ESRRB: variants seen among roughly 807,000 people sequenced by gnomAD.
The protein encoded by ESRRB is steroid hormone receptor ERR2.
ESRRB carries 16 observed loss-of-function variants against 46.0 expected under a neutral mutation model. That is an observed-to-expected ratio of 0.35 (90% CI 0.24 to 0.53). The LOEUF (loss-of-function observed/expected upper bound fraction) is 0.53, where lower values mean the gene tolerates loss of function less well. Among genes scored for constraint, ESRRB ranks in the 20% least tolerant of loss-of-function variants. ESRRB has a pLI of 0.93. For missense variants in ESRRB, 488 were observed against 607.4 expected (o/e 0.80, Z 2.07); for synonymous variants, 246 against 259.6 (o/e 0.95, Z 0.50).
chr14:76,480,869 G>A (rs939489690), intron 3 of ESRRB, among the ~76,000 whole-genome samples: 2 of 152,226 alleles, frequency 1.3e-5, no homozygotes, highest in African/African-American at 4.8e-5. Flanking sequence ...TCGCAGCAGA[G>A]GCTGAGGTGG....
In ESRRB at chr14:76,398,643, G is replaced by A. The variant is rs1368424245; in HGVS notation, c.50+22192G>A. 2.0e-5 allele frequency among the ~76,000 whole-genome samples: 3 copies of A among 152,224 alleles called. No individual in the cohort carries two copies. In the East Asian group the frequency reaches 5.8e-4, roughly 29 times the overall value. On this transcript the variant is annotated intron_variant, in intron 1 of 6. Coordinates refer to ENST00000644823, the MANE Select transcript of ESRRB (RefSeq NM_001379180.1). Reference sequence around the variant, plus strand: ...TGCCTCTCTCTAGGTAGTCAAGGGGGCATACGTATGGGGTAAGAGGCTGGT... The same window carrying A: ...TGCCTCTCTCTAGGTAGTCAAGGGGACATACGTATGGGGTAAGAGGCTGGT...
At chr14:76,419,695 T>C (rs117820894) in intron 1 of ESRRB, among the ~76,000 whole-genome samples, 290 of 152,314 alleles carry the variant, frequency 1.9e-3, no homozygotes, top group Non-Finnish European at 3.3e-3. Context: ...TATTCTATAT[T>C]GATCCTCACA....
intron 1 of ESRRB, among the ~76,000 whole-genome samples, chr14:76,416,546 T>C (rs1049018818): frequency 2.6e-5 from 4 of 152,140 alleles, no homozygotes; most frequent in Non-Finnish European, 5.9e-5. Context: ...CGTGGTTCAC[T>C]GCAACCTCCA....
intron 2 of ESRRB, among the ~76,000 whole-genome samples, chr14:76,453,682 C>T (rs1176351699): frequency 6.6e-6 from 1 of 151,252 alleles, no homozygotes; most frequent in South Asian, 2.1e-4. Context: ...ACTGCCGCCT[C>T]AGCCTCCCTT....
chr14:76,375,107 G>A (rs575778993), upstream of ESRRB, among the ~76,000 whole-genome samples: 2 of 152,132 alleles, frequency 1.3e-5, no homozygotes, highest in South Asian at 4.2e-4. Context: ...GAATAAGGTG[G>A]TGGTGTCTCC....
At chr14:76,421,938 G>A (rs1308619207) in intron 1 of ESRRB, among the ~76,000 whole-genome samples, 1 of 152,188 alleles carries the variant, frequency 6.6e-6, no homozygotes, top group Non-Finnish European at 1.5e-5. Context: ...CAGGATGAAG[G>A]TTGCATCAGT....
chr14:76,447,392 C>G (rs1044784728), intron 2 of ESRRB, among the ~76,000 whole-genome samples: 1 of 151,866 alleles, frequency 6.6e-6, no homozygotes, highest in Non-Finnish European at 1.5e-5. Flanking sequence ...TCCTCTCTTC[C>G]TCCTCTCAGT....
At chr14:76,419,684 G>A (rs529234364) in intron 1 of ESRRB, among the ~76,000 whole-genome samples, 73 of 152,280 alleles carry the variant, frequency 4.8e-4, no homozygotes, top group Middle Eastern at 3.4e-3. Context: ...TTTGAAGGTC[G>A]TATTCTATAT....
intron 3 of ESRRB, among the ~76,000 whole-genome samples, chr14:76,477,728 C>T (rs1335831519): frequency 6.6e-6 from 1 of 151,110 alleles, no homozygotes; most frequent in Non-Finnish European, 1.5e-5. Flanking sequence ...CATAATTAAA[C>T]CCAACAGGCT....
At chr14:76,442,216 C>T (rs2076424583) in intron 2 of ESRRB, among the ~76,000 whole-genome samples, 1 of 152,188 alleles carries the variant, frequency 6.6e-6, no homozygotes, top group South Asian at 2.1e-4. Flanking sequence ...TGGCTCACGC[C>T]TGTAATCCCA....
At position 76,500,227 on chromosome 14, in the gene ESRRB, G is replaced by A; in HGVS notation, c.*1769G>A. The A allele has an allele frequency of 4.8e-6, 3 of 628,910 alleles. No individual in the cohort carries two copies. The highest frequency in any genetic ancestry group is 4.0e-5 in the South Asian group (2 of 50,530). 39.0% of individuals were successfully genotyped at this position (628,910 alleles called of 1,614,324 possible). A position where few individuals can be genotyped will look rare whatever the true frequency, so the allele number is the denominator to read the frequency against. On this transcript the variant is annotated 3_prime_UTR_variant, in exon 7 of 7. Coordinates refer to ENST00000644823, the MANE Select transcript of ESRRB (RefSeq NM_001379180.1). The stretch of plus-strand genomic sequence containing the variant: ...ACAAACTGCAGAGCAGCTCTCTGAT[G>A]GTGTCCCACACAGAAAATGTTAAGG...
At chr14:76,466,990 G>A (rs540599993) in intron 3 of ESRRB, among the ~76,000 whole-genome samples, 1 of 152,096 alleles carries the variant, frequency 6.6e-6, no homozygotes, top group Non-Finnish European at 1.5e-5. Context: ...AAAGTGCTGG[G>A]ATTACAGGCG....
chr14:76,498,069 T>C lies in ESRRB; in HGVS notation c.1121-145T>C, dbSNP rs1890499707. ...CTGTCATTAGCTTCTGTGACCTCTC[T>C]GGGCCTCAGATTGGCTCTCTGTGAA... On this transcript the variant is annotated intron_variant, in intron 6 of 6. Coordinates refer to ENST00000644823, the MANE Select transcript of ESRRB (RefSeq NM_001379180.1). The C allele has an allele frequency of 5.3e-6, 5 of 949,200 alleles. No individual in the cohort carries two copies. In the Admixed American group the frequency reaches 7.0e-5, roughly 13 times the overall value. The allele number at this position is 949,200 out of a possible 1,614,324, so 58.8% of individuals were successfully genotyped here. A position where few individuals can be genotyped will look rare whatever the true frequency, so the allele number is the denominator to read the frequency against.
At chr14:76,481,878 C>T (rs1192256617) in intron 3 of ESRRB, 138 bp from the exon 4 acceptor site, 41 of 774,782 alleles carry the variant, frequency 5.3e-5, no homozygotes, top group Non-Finnish European at 8.8e-5. Context: ...TGGCCTGAGG[C>T]TGGCCGTGGG....
At chr14:76,441,805 A>C (rs1887933951) in intron 2 of ESRRB, among the ~76,000 whole-genome samples, 1 of 152,200 alleles carries the variant, frequency 6.6e-6, no homozygotes, top group Admixed American at 6.5e-5. Flanking sequence ...GAAACTGCAG[A>C]CCAGACAGGA....
At chr14:76,440,824 G>A (rs1198485782) in intron 2 of ESRRB, among the ~76,000 whole-genome samples, 1 of 152,084 alleles carries the variant, frequency 6.6e-6, no homozygotes, top group African/African-American at 2.4e-5. Context: ...CTTGAGGTCA[G>A]GAGTTCAAGA....
intron 2 of ESRRB, among the ~76,000 whole-genome samples, chr14:76,459,578 G>A (rs757868476): frequency 6.6e-5 from 10 of 152,124 alleles, no homozygotes; most frequent in Admixed American, 1.3e-4. Context: ...GGGTGGGAAC[G>A]GGCCAAATCC....
chr14:76,329,184 A>C (rs1883972901), intron 1 of ESRRB, among the ~76,000 whole-genome samples: 1 of 152,162 alleles, frequency 6.6e-6, no homozygotes, highest in African/African-American at 2.4e-5. Flanking sequence ...GAAAGGGGTC[A>C]CTCGAGAACT....
At chr14:76,310,859 G>A (rs1187986685) in exon 1 of ESRRB, 3 of 455,274 alleles carry the variant, frequency 6.6e-6, no homozygotes, top group African/African-American at 4.0e-5. Context: ...GAAAGCACCT[G>A]AGGGGCCGCA....
Sources: gnomAD v4.1 joint callset for allele counts (sites outside exome capture counted in the v4.1 genomes callset) on GRCh38, gnomAD v4.1.1 for gene constraint, MANE v1.5 for transcripts, NCBI Gene and HGNC (gene_info 2026-07-23, HGNC 2026-07-21) for gene names.